Variants in CD86 observed in about 807,000 individuals in gnomAD.
CD86 encodes the protein T-lymphocyte activation antigen CD86.
In CD86, 11 loss-of-function variants were observed where a neutral mutation model predicts 32.1. The observed-to-expected ratio is 0.34, with a 90% CI of 0.22 to 0.57. CD86 has a LOEUF of 0.57. Among genes scored for constraint, CD86 ranks in the 20% least tolerant of loss-of-function variants. CD86 has a pLI of 0.86. For synonymous variants in CD86, 137 were observed against 135.3 expected, an observed-to-expected ratio of 1.01 and a Z score of -0.09; for missense variants, 359 against 398.4, an observed-to-expected ratio of 0.90 and a Z score of 0.84.
intron 3 of CD86, among the ~76,000 whole-genome samples, chr3:122,104,909 A>G (rs553443284): frequency 1.5e-4 from 23 of 152,340 alleles, no homozygotes; most frequent in Non-Finnish European, 3.1e-4. Flanking sequence ...TTGTGTGAAC[A>G]TAAGTTCTCA....
intron 1 of CD86, among the ~76,000 whole-genome samples, chr3:122,064,043 A>G (rs1464244062): frequency 1.3e-5 from 2 of 152,206 alleles, no homozygotes; most frequent in Non-Finnish European, 2.9e-5. Context: ...AAACCATCCA[A>G]GGACAGATGA....
chr3:122,062,372 T>G (rs2072351405), intron 1 of CD86, among the ~76,000 whole-genome samples: 2 of 152,192 alleles, frequency 1.3e-5, no homozygotes, highest in Admixed American at 6.5e-5. Context: ...CACTGCCAAT[T>G]TCTCCATGTC....
chr3:122,088,512 C>T (rs966885562), intron 1 of CD86, among the ~76,000 whole-genome samples: 1 of 152,150 alleles, frequency 6.6e-6, no homozygotes, highest in Admixed American at 6.5e-5. Flanking sequence ...TGTCTCCCTC[C>T]CTTCCAGCCA....
chr3:122,101,577 T>C (rs2073010580), intron 2 of CD86, among the ~76,000 whole-genome samples: 1 of 142,954 alleles, frequency 7.0e-6, no homozygotes, highest in African/African-American at 2.7e-5. Context: ...AAAGACGAAG[T>C]CATTTCCAGG....
chr3:122,116,474 G>A (rs371138434), intron 5 of CD86, among the ~76,000 whole-genome samples: 1 of 152,082 alleles, frequency 6.6e-6, no homozygotes, highest in African/African-American at 2.4e-5. Flanking sequence ...AAATTAAAAG[G>A]TCTGATAAAC....
intron 1 of CD86, among the ~76,000 whole-genome samples, chr3:122,068,384 G>A (rs1054487347): frequency 1.3e-5 from 2 of 152,010 alleles, no homozygotes; most frequent in Non-Finnish European, 2.9e-5. Flanking sequence ...CTTCAAGCAA[G>A]TTTTACGTTT....
chr3:122,056,375 G>A (rs2072236748), intron 1 of CD86, among the ~76,000 whole-genome samples: 3 of 151,920 alleles, frequency 2.0e-5, no homozygotes, highest in South Asian at 2.1e-4. Flanking sequence ...TCGCTCTGTC[G>A]CCAAGCTGGA....
chr3:122,103,855 G>A lies in CD86; in HGVS notation c.400+8G>A, dbSNP rs762268459. 2 of 1,601,420 alleles carry A rather than the reference G, an allele frequency of 1.2e-6. No individual in the cohort carries two copies. The highest frequency in any genetic ancestry group is 2.2e-5 in the South Asian group (2 of 90,250). On this transcript the variant is annotated splice_region_variant and intron_variant, in intron 3 of 6. Coordinates refer to ENST00000330540, the MANE Select transcript of CD86 (RefSeq NM_175862.5). The stretch of plus-strand genomic sequence containing the variant: ...CTGAACTGTCAGTGCTTGGTATGTG[G>A]TCAATGGTGTGTGTTCAGATTCTTA...
At chr3:122,068,728 T>C (rs1355980027) in intron 1 of CD86, among the ~76,000 whole-genome samples, 1 of 152,246 alleles carries the variant, frequency 6.6e-6, no homozygotes, top group Non-Finnish European at 1.5e-5. Flanking sequence ...ATGTTATTTG[T>C]TAAATAATAG....
At chr3:122,062,798 A>G (rs1336491595) in intron 1 of CD86, among the ~76,000 whole-genome samples, 1 of 152,220 alleles carries the variant, frequency 6.6e-6, no homozygotes, top group African/African-American at 2.4e-5. Flanking sequence ...ATAACAATTT[A>G]TAATGGACAG....
At chr3:122,064,163 C>T (rs1160584396) in intron 1 of CD86, among the ~76,000 whole-genome samples, 1 of 151,530 alleles carries the variant, frequency 6.6e-6, no homozygotes, top group Non-Finnish European at 1.5e-5. Flanking sequence ...AGTTGTGACA[C>T]AGGGTTGACA....
intron 1 of CD86, among the ~76,000 whole-genome samples, chr3:122,082,352 A>T (rs1332851700): frequency 6.6e-6 from 1 of 152,190 alleles, no homozygotes; most frequent in Non-Finnish European, 1.5e-5. Context: ...ATTTGCAGAC[A>T]CCCAGCATAT....
At chr3:122,113,673 G>A (rs534711986) in intron 5 of CD86, among the ~76,000 whole-genome samples, 18 of 152,138 alleles carry the variant, frequency 1.2e-4, no homozygotes, top group African/African-American at 3.9e-4. Context: ...GTCTATTCAT[G>A]TCCTTATAAA....
At chr3:122,115,255 A>G (rs2073232372) in intron 5 of CD86, among the ~76,000 whole-genome samples, 1 of 152,222 alleles carries the variant, frequency 6.6e-6, no homozygotes, top group Non-Finnish European at 1.5e-5. Flanking sequence ...AATAGCATTT[A>G]TAATAGCATC....
chr3:122,086,072 T>C (rs556684558), intron 1 of CD86, among the ~76,000 whole-genome samples: 1 of 152,268 alleles, frequency 6.6e-6, no homozygotes, highest in Admixed American at 6.5e-5. Flanking sequence ...GGAGCCTGCA[T>C]TGTAGTTATT....
intron 1 of CD86, among the ~76,000 whole-genome samples, chr3:122,079,582 A>G (rs1170505788): frequency 2.0e-5 from 3 of 151,962 alleles, no homozygotes; most frequent in Non-Finnish European, 4.4e-5. Flanking sequence ...CAGGCAGGTA[A>G]GAGTATTTGT....
intron 5 of CD86, among the ~76,000 whole-genome samples, chr3:122,114,336 G>A (rs897406819): frequency 1.3e-5 from 2 of 152,022 alleles, no homozygotes; most frequent in Non-Finnish European, 2.9e-5. Flanking sequence ...CTCCAACAAA[G>A]GATTAACTGC....
At chr3:122,062,367 C>A (rs997945851) in intron 1 of CD86, among the ~76,000 whole-genome samples, 2 of 152,132 alleles carry the variant, frequency 1.3e-5, no homozygotes, top group South Asian at 4.1e-4. Flanking sequence ...CTGGGCACTG[C>A]CAATTTCTCC....
intron 1 of CD86, among the ~76,000 whole-genome samples, chr3:122,078,956 T>C (rs1384363561): frequency 1.3e-5 from 2 of 152,238 alleles, no homozygotes; most frequent in Non-Finnish European, 2.9e-5. Context: ...TAATATTATT[T>C]ATGTGAGCTA....
Sources: gnomAD v4.1 joint callset for allele counts (sites outside exome capture counted in the v4.1 genomes callset) on GRCh38, gnomAD v4.1.1 for gene constraint, MANE v1.5 for transcripts, NCBI Gene and HGNC (gene_info 2026-07-23, HGNC 2026-07-21) for gene names.